The following EPAS1 variants were observed in gnomAD, a reference collection of about 807,000 sequenced individuals.
EPAS1 encodes the protein endothelial PAS domain protein 1.
In EPAS1, 23 loss-of-function variants were observed where a neutral mutation model predicts 87.9. The observed-to-expected ratio is 0.26, with a 90% CI of 0.19 to 0.37. The LOEUF (loss-of-function observed/expected upper bound fraction) is 0.37. EPAS1 is among the 10% of genes least tolerant of loss of function. The pLI is 1.00. For synonymous variants in EPAS1, 508 were observed against 444.3 expected, an observed-to-expected ratio of 1.14 and a Z score of -1.80; for missense variants, 1,138 against 1,120.7, an observed-to-expected ratio of 1.02 and a Z score of -0.22.
intron 15 of EPAS1, among the ~76,000 whole-genome samples, chr2:46,383,634 T>A (rs141660947): frequency 1.3e-5 from 2 of 152,334 alleles, no homozygotes; most frequent in East Asian, 3.9e-4. Context: ...AGCACTATTC[T>A]TCCTGTTATG....
At chr2:46,303,132 A>C (rs1305555467) in intron 1 of EPAS1, among the ~76,000 whole-genome samples, 1 of 152,188 alleles carries the variant, frequency 6.6e-6, no homozygotes, top group East Asian at 1.9e-4. Context: ...TTTCTGTAGA[A>C]ATCTAATATT....
chr2:46,342,935 T>C (rs1271228537), intron 1 of EPAS1, among the ~76,000 whole-genome samples: 1 of 152,106 alleles, frequency 6.6e-6, no homozygotes, highest in African/African-American at 2.4e-5. Context: ...AGAATGTGAG[T>C]TTCCACCTCG....
intron 1 of EPAS1, among the ~76,000 whole-genome samples, chr2:46,304,283 T>C (rs1683067375): frequency 6.6e-6 from 1 of 152,148 alleles, no homozygotes; most frequent in Non-Finnish European, 1.5e-5. Context: ...ACTTCATTGA[T>C]GGGAAAGCTG....
rs1393092964 is a variant in EPAS1, at chr2:46,380,798, G to A, written c.2045+81G>A. 8 of 1,594,542 alleles carry A rather than the reference G, an allele frequency of 5.0e-6. No homozygotes were observed. The highest frequency in any genetic ancestry group is 1.9e-4 in the Middle Eastern group (1 of 5,392). On this transcript the variant is annotated intron_variant, in intron 12 of 15. Transcript: ENST00000263734. The surrounding 1 kb of genome is among the most constrained non-coding windows in gnomAD (Gnocchi z 4.4). ...GTAAGATAGCTGGACCCCCAGGGAGGCCCCTGCCCCTCTCCCCAGCCATCT... is the reference window on the plus strand; with the variant it reads ...GTAAGATAGCTGGACCCCCAGGGAGACCCCTGCCCCTCTCCCCAGCCATCT...
At chr2:46,382,620 C>T in intron 15 of EPAS1, 22 bp downstream of exon 15, 1 of 1,613,808 alleles carries the variant, frequency 6.2e-7, no homozygotes. Flanking sequence ...CAGGATCTGT[C>T]ACCCCCATCC....
In EPAS1 at chr2:46,356,804, A is replaced by C. The variant is rs780172672; in HGVS notation, c.450A>C (p.Lys150Asn). ...HEEIRENLSL[K>N]NGSGFGKKSK... Reference sequence around the variant, plus strand: ...AGATTCGTGAGAACCTGAGTCTCAAAAATGGTATCCTTAATTGTGTTTACT... The same window carrying C: ...AGATTCGTGAGAACCTGAGTCTCAACAATGGTATCCTTAATTGTGTTTACT... Residue 150 changes from lysine (K) to asparagine (N), a missense_variant, in exon 4 of 16, where the codon AAA (lysine) becomes AAC (asparagine). Physicochemically the swap from Lys to Asn is moderately conservative, Grantham distance 94. Transcript: ENST00000263734. 3.1e-6 allele frequency: 5 copies of C among 1,611,586 alleles called. No individual in the cohort carries two copies. Among genetic ancestry groups the C allele is most frequent in the Non-Finnish European group, 4.2e-6 (5 of 1,177,746 alleles).
intron 1 of EPAS1, among the ~76,000 whole-genome samples, chr2:46,307,397 G>A (rs1192038559): frequency 6.6e-6 from 1 of 152,154 alleles, no homozygotes; most frequent in Non-Finnish European, 1.5e-5. Context: ...AAGTATGAAG[G>A]TCACATTTCA....
chr2:46,378,182 T>A, intron 10 of EPAS1, 95 bp downstream of exon 10: 1 of 1,516,130 alleles, frequency 6.6e-7, no homozygotes, highest in Non-Finnish European at 8.8e-7. Flanking sequence ...GGTACTGTCC[T>A]TCTCAGGTTA....
chr2:46,325,433 C>T (rs1683536185), intron 1 of EPAS1, among the ~76,000 whole-genome samples: 1 of 152,196 alleles, frequency 6.6e-6, no homozygotes, highest in Non-Finnish European at 1.5e-5. Context: ...GTCCTTCATT[C>T]ATGGTAAAAG....
At chr2:46,303,028 G>A (rs1008897660) in intron 1 of EPAS1, among the ~76,000 whole-genome samples, 2 of 152,186 alleles carry the variant, frequency 1.3e-5, no homozygotes, top group Non-Finnish European at 2.9e-5. Flanking sequence ...AGCCGAGATC[G>A]TGCCACTGCA....
At chr2:46,334,704 T>C (rs1260381031) in intron 1 of EPAS1, among the ~76,000 whole-genome samples, 3 of 152,202 alleles carry the variant, frequency 2.0e-5, no homozygotes, top group Non-Finnish European at 4.4e-5. Context: ...TTAATATATA[T>C]TGAATGAGCA....
At chr2:46,355,311 A>G (rs563316167) in intron 2 of EPAS1, among the ~76,000 whole-genome samples, 1 of 152,226 alleles carries the variant, frequency 6.6e-6, no homozygotes, top group African/African-American at 2.4e-5. Context: ...AGTGATATCC[A>G]AAGAGGTTGT....
intron 1 of EPAS1, among the ~76,000 whole-genome samples, chr2:46,323,925 G>A (rs777902100): frequency 6.6e-5 from 10 of 152,150 alleles, no homozygotes; most frequent in East Asian, 1.9e-4. Flanking sequence ...GATCTTTTGC[G>A]TGTTTCTGCC....
rs1276557735 is a variant in EPAS1 at position 46,385,524 on chromosome 2, A to G, written c.*864A>G. 1 of 152,216 alleles carries G rather than the reference A, an allele frequency of 6.6e-6. No homozygotes were observed. Among genetic ancestry groups the G allele is most frequent in the Non-Finnish European group, 1.5e-5 (1 of 68,044 alleles). The allele number at this position is 152,216 out of a possible 1,614,324, so 9.4% of individuals were successfully genotyped here. A position where few individuals can be genotyped will look rare whatever the true frequency, so the allele number is the denominator to read the frequency against. ...GTTAATTTTTCTTAGTGTTGTGGACACTGCAGACTTGTCCAGTGCTCCCAC... is the reference window on the plus strand; with the variant it reads ...GTTAATTTTTCTTAGTGTTGTGGACGCTGCAGACTTGTCCAGTGCTCCCAC... On this transcript the variant is annotated 3_prime_UTR_variant, in exon 16 of 16. Coordinates refer to ENST00000263734, the MANE Select transcript of EPAS1 (RefSeq NM_001430.5).
intron 1 of EPAS1, chr2:46,335,882 G>A (rs918637470): frequency 2.6e-5 from 4 of 152,210 alleles, no homozygotes; most frequent in African/African-American, 9.7e-5. Context: ...TTGACTTGGC[G>A]GGTGTTAGAA....
chr2:46,384,803 C>G lies in EPAS1; in HGVS notation c.*143C>G. ...TACCTGGCAGACTTGCCCAGGTCAC[C>G]AAGCAGTGGCCTTTTTCTGAGATGC... On this transcript the variant is annotated 3_prime_UTR_variant, in exon 16 of 16. Coordinates refer to ENST00000263734, the MANE Select transcript of EPAS1 (RefSeq NM_001430.5). The G allele has an allele frequency of 9.9e-7, 1 of 1,013,154 alleles. No homozygotes were observed. 62.8% of individuals were successfully genotyped at this position (1,013,154 alleles called of 1,614,324 possible).
At chr2:46,329,253 G>A (rs1393180587) in intron 1 of EPAS1, among the ~76,000 whole-genome samples, 1 of 152,178 alleles carries the variant, frequency 6.6e-6, no homozygotes, top group East Asian at 1.9e-4. Flanking sequence ...ATCTGGGTGC[G>A]AGGCAACCAC....
At position 46,384,888 on chromosome 2, in the gene EPAS1, T is replaced by C. The variant is rs1684978770; in HGVS notation, c.*228T>C. The C allele has an allele frequency of 1.7e-6, 1 of 590,472 alleles. No individual in the cohort carries two copies. The highest frequency in any genetic ancestry group is 3.1e-5 in the Admixed American group (1 of 32,744). 36.6% of individuals were successfully genotyped at this position (590,472 alleles called of 1,614,324 possible). On this transcript the variant is annotated 3_prime_UTR_variant, in exon 16 of 16. Coordinates refer to ENST00000263734, the MANE Select transcript of EPAS1 (RefSeq NM_001430.5). ...TGTTTTACCTGTTCTGAAATGTTCTTAAATTTTGTAGGATTTTTTTCCTCC... is the reference window on the plus strand; with the variant it reads ...TGTTTTACCTGTTCTGAAATGTTCTCAAATTTTGTAGGATTTTTTTCCTCC...
chr2:46,350,361 GT>G (rs972582306), intron 2 of EPAS1, among the ~76,000 whole-genome samples: 1 of 152,156 alleles, frequency 6.6e-6, no homozygotes, highest in African/African-American at 2.4e-5. Flanking sequence ...AAAATACCAG[GT>G]TTTTCTTTAG....
Sources: allele counts gnomAD v4.1 joint callset (sites outside exome capture counted in the v4.1 genomes callset), GRCh38; gene constraint gnomAD v4.1.1; non-coding constraint Gnocchi (gnomAD v3.1); transcripts MANE v1.5; gene names NCBI Gene and HGNC (gene_info 2026-07-23, HGNC 2026-07-21).